Variants in TMEM260 observed in about 807,000 individuals in gnomAD.
The protein encoded by TMEM260 is protein O-mannosyl-transferase TMEM260.
A neutral mutation model predicts 88.9 loss-of-function variants in TMEM260; 82 were observed. The observed-to-expected ratio is 0.92, with a 90% CI of 0.77 to 1.11. The LOEUF is 1.11. Ranked by LOEUF, TMEM260 falls within the 50% of genes least tolerant of loss-of-function variation. The pLI, the probability that TMEM260 is intolerant of heterozygous loss-of-function variation, is 0.00. For synonymous variants in TMEM260, 314 were observed against 309.3 expected (o/e 1.02, Z -0.16); for missense variants, 902 against 853.4 (o/e 1.06, Z -0.71).
At chr14:56,638,510 C>T (rs1889300617) in intron 15 of TMEM260, among the ~76,000 whole-genome samples, 1 of 152,106 alleles carries the variant, frequency 6.6e-6, no homozygotes, top group South Asian at 2.1e-4. Context: ...TGTTAGGCTA[C>T]TACTAAAGCT....
At chr14:56,662,429 G>A in the TMEM260 span, among the ~76,000 whole-genome samples, 1 of 152,106 alleles carries the variant, frequency 6.6e-6, no homozygotes, top group South Asian at 2.1e-4. Context: ...TCGCAACCAG[G>A]AAGCTCCCTA....
At chr14:56,593,160 C>T (rs1885969209) in intron 3 of TMEM260, 1 of 152,218 alleles carries the variant, frequency 6.6e-6, no homozygotes, top group African/African-American at 2.4e-5. Flanking sequence ...CAATCAGTAC[C>T]TTTCTTAGGA....
intron 12 of TMEM260, among the ~76,000 whole-genome samples, chr14:56,630,472 C>CT (rs144741234): frequency 0.057 from 8,568 of 151,012 alleles, 640 homozygotes; most frequent in African/African-American, 0.17. Context: ...TAAATTGTAT[C>CT]TTTTTTTTTC....
At chr14:56,651,721 A>G (rs17714764), downstream of TMEM260, among the ~76,000 whole-genome samples, 49,061 of 152,148 alleles carry the variant, frequency 0.32, 9,817 homozygotes, top group East Asian at 0.54. Context: ...TTGCCATTAG[A>G]TGAGGATAAG....
At chr14:56,636,988 C>T (rs1889141155) in intron 15 of TMEM260, among the ~76,000 whole-genome samples, 1 of 152,086 alleles carries the variant, frequency 6.6e-6, no homozygotes, top group Admixed American at 6.5e-5. Context: ...AGGTCAGAGT[C>T]AGAGAAGTAT....
At chr14:56,656,881 G>A in the TMEM260 span, among the ~76,000 whole-genome samples, 1 of 152,044 alleles carries the variant, frequency 6.6e-6, no homozygotes, top group Non-Finnish European at 1.5e-5. Flanking sequence ...CTCAATCTGT[G>A]CACACGCATG....
At chr14:56,651,942 T>C (rs1890214761), downstream of TMEM260, among the ~76,000 whole-genome samples, 2 of 152,246 alleles carry the variant, frequency 1.3e-5, no homozygotes, top group African/African-American at 4.8e-5. Flanking sequence ...AGAAGTGTTA[T>C]CTGAAAGGGT....
intron 6 of TMEM260, among the ~76,000 whole-genome samples, chr14:56,610,967 CT>C (rs61185871): frequency 0.044 from 5,139 of 117,920 alleles, 203 homozygotes; most frequent in African/African-American, 0.16. Flanking sequence ...TTCTTTCTTT[CT>C]TTTTTTTTTT....
chr14:56,593,923 A>G (rs569025934), intron 3 of TMEM260, among the ~76,000 whole-genome samples: 99 of 150,842 alleles, frequency 6.6e-4, no homozygotes, highest in Non-Finnish European at 1.1e-3. Context: ...TCCTGACCTC[A>G]TGATCCACCC....
upstream of TMEM260, chr14:56,579,646 T>A: frequency 5.4e-6 from 2 of 373,266 alleles, no homozygotes; most frequent in Non-Finnish European, 9.5e-6. Context: ...GCTCTCCTGG[T>A]GATTAGGAAC....
chr14:56,612,983 C>T (rs184669654), intron 7 of TMEM260: 24 of 152,152 alleles, frequency 1.6e-4, no homozygotes, highest in African/African-American at 5.8e-4. Flanking sequence ...TTAGGCTATC[C>T]TTGCCGTAAG....
chr14:56,584,723 A>T (rs1004657740), intron 1 of TMEM260, among the ~76,000 whole-genome samples: 2 of 152,186 alleles, frequency 1.3e-5, no homozygotes, highest in African/African-American at 4.8e-5. Flanking sequence ...TTGCAAGTGG[A>T]TACAACTTTC....
intron 3 of TMEM260, among the ~76,000 whole-genome samples, chr14:56,586,995 A>G (rs1885547895): frequency 1.3e-5 from 2 of 151,764 alleles, no homozygotes; most frequent in Admixed American, 6.6e-5. Flanking sequence ...GTTTCTGCTT[A>G]GATTCATTAG....
intron 15 of TMEM260, among the ~76,000 whole-genome samples, chr14:56,644,844 C>G (rs1229877623): frequency 6.6e-6 from 1 of 152,144 alleles, no homozygotes; most frequent in Non-Finnish European, 1.5e-5. Context: ...AGGATATAAA[C>G]AGACACTTCT....
rs913742 is a variant in TMEM260 at position 56,634,964 on chromosome 14, A to G, written c.1778+12A>G. On this transcript the variant is annotated intron_variant, in intron 14 of 15. Coordinates refer to ENST00000261556, the MANE Select transcript of TMEM260 (RefSeq NM_017799.4). The stretch of plus-strand genomic sequence containing the variant: ...ATGTGGCAAGCGAGGTGACTATTCT[A>G]CATTTTTGTGTGTGCAGTCTATTTT... The G allele has an allele frequency of 0.76, 1,222,791 of 1,611,910 alleles. 466,452 individuals carry two copies. The highest frequency in any genetic ancestry group is 0.78 in the East Asian group (34,986 of 44,856).
rs761396767 is a variant in TMEM260, at chr14:56,612,252, C to G, written c.824C>G (p.Ser275Cys). 1 of 1,613,526 alleles carries G rather than the reference C, an allele frequency of 6.2e-7. No individual in the cohort carries two copies. The highest frequency in any genetic ancestry group is 1.1e-5 in the South Asian group (1 of 91,064). ...TTTGTCTTTTGTGTTTAGGCCAAAT[C>G]TGAAATAGGATCCAGTATGTCTGAA... The part of the protein sequence containing the change: ...EEYGTFSLAK[S>C]EIGSSMSEIL... Residue 275 changes from serine (S) to cysteine (C), a missense_variant, in exon 7 of 16, where the codon TCT becomes TGT. Physicochemically the swap from Ser to Cys is moderately radical, Grantham distance 112. Transcript: ENST00000261556.
intron 11 of TMEM260, among the ~76,000 whole-genome samples, chr14:56,622,414 A>G (rs950548022): frequency 4.0e-5 from 6 of 151,554 alleles, no homozygotes; most frequent in African/African-American, 1.5e-4. Flanking sequence ...TACCTTGCCC[A>G]TTGGTCCAGG....
At chr14:56,608,482 G>T (rs1887050467) in intron 5 of TMEM260, among the ~76,000 whole-genome samples, 1 of 152,072 alleles carries the variant, frequency 6.6e-6, no homozygotes, top group South Asian at 2.1e-4. Context: ...CCCAAATAAG[G>T]TGTATGAAGC....
rs149679898 is a variant in TMEM260 at position 56,637,526 on chromosome 14, C to T, written c.1869+928C>T. 2.0e-3 allele frequency among the ~76,000 whole-genome samples: 304 copies of T among 152,334 alleles called. 2 individuals are homozygous for T. The highest frequency in any genetic ancestry group is 6.6e-3 in the African/African-American group (273 of 41,582). ...TAACCAAGTCTCTGCTTTGCTATGA[C>T]TTACGGCACTGGCCACTTCAGACAC... On this transcript the variant is annotated intron_variant, in intron 15 of 15. Transcript: ENST00000261556.
Sources: allele counts gnomAD v4.1 joint callset (sites outside exome capture counted in the v4.1 genomes callset), GRCh38; gene constraint gnomAD v4.1.1; transcripts MANE v1.5; gene names NCBI Gene and HGNC (gene_info 2026-07-23, HGNC 2026-07-21).